The following C8orf34 variants were observed in gnomAD, a reference collection of about 807,000 sequenced individuals.
C8orf34 encodes chromosome 8 open reading frame 34.
A neutral mutation model predicts 68.3 loss-of-function variants in C8orf34; 65 were observed. That is an observed-to-expected ratio of 0.95 (90% confidence interval 0.78 to 1.17). The LOEUF is 1.17. Among genes scored for constraint, C8orf34 ranks in the 50% most tolerant of loss-of-function variants. The pLI is 0.00. For missense variants in C8orf34, 664 were observed against 655.4 expected, an observed-to-expected ratio of 1.01 and a Z score of -0.14; for synonymous variants, 244 against 241.2, an observed-to-expected ratio of 1.01 and a Z score of -0.11.
intron 12 of C8orf34, among the ~76,000 whole-genome samples, chr8:68,804,648 T>C (rs1270459744): frequency 6.6e-6 from 1 of 152,048 alleles, no homozygotes; most frequent in Non-Finnish European, 1.5e-5. Flanking sequence ...GGTGCATATC[T>C]GTATTCCTAG....
intron 8 of C8orf34, among the ~76,000 whole-genome samples, chr8:68,689,157 A>C (rs1268183304): frequency 6.6e-6 from 1 of 151,964 alleles, no homozygotes; most frequent in East Asian, 1.9e-4. Flanking sequence ...AAAACCAAAT[A>C]CTCAATGTTC....
intron 10 of C8orf34, among the ~76,000 whole-genome samples, chr8:68,748,700 C>T (rs1822593662): frequency 1.3e-5 from 2 of 151,732 alleles, no homozygotes; most frequent in African/African-American, 4.8e-5. Context: ...CCATCTCACA[C>T]CAGTTAGAAT....
rs187640812 is a variant in C8orf34, at chr8:68,668,244, A to G, written c.1241+27733A>G. 7.4e-4 allele frequency among the ~76,000 whole-genome samples: 113 copies of G among 152,310 alleles called. 2 individuals carry two copies. In the East Asian group the frequency reaches 0.014, roughly 20 times the overall value. On this transcript the variant is annotated intron_variant, in intron 8 of 13. Transcript: ENST00000518698. ...CCTTTGGTTCTAAGTACCAAGTTGT[A>G]TAACACAGGAGAAATACAAAATTTT... is the stretch of plus-strand genomic sequence containing the variant.
intron 2 of C8orf34, among the ~76,000 whole-genome samples, chr8:68,443,665 C>T (rs1811005499): frequency 6.6e-6 from 1 of 152,074 alleles, no homozygotes; most frequent in Non-Finnish European, 1.5e-5. Context: ...CTCGGCCTCC[C>T]AAAGTGCTGG....
intron 7 of C8orf34, among the ~76,000 whole-genome samples, chr8:68,597,675 T>A (rs1211973449): frequency 6.6e-6 from 1 of 152,064 alleles, no homozygotes; most frequent in African/African-American, 2.4e-5. Context: ...CCAAAGGGAC[T>A]ATCTTTACTA....
At chr8:68,607,502 A>G (rs1216760880) in intron 7 of C8orf34, among the ~76,000 whole-genome samples, 1 of 152,048 alleles carries the variant, frequency 6.6e-6, no homozygotes, top group Non-Finnish European at 1.5e-5. Context: ...GTTAGGGCCT[A>G]CTCTAATGGA....
At chr8:68,466,505 T>A (rs1812142084) in intron 3 of C8orf34, among the ~76,000 whole-genome samples, 1 of 126,784 alleles carries the variant, frequency 7.9e-6, no homozygotes, top group Non-Finnish European at 1.8e-5. Context: ...ATACCTTATA[T>A]ATTTGTAGAA....
At chr8:68,745,945 CCA>C (rs1481517085) in intron 10 of C8orf34, among the ~76,000 whole-genome samples, 1 of 152,072 alleles carries the variant, frequency 6.6e-6, no homozygotes, top group African/African-American at 2.4e-5. Flanking sequence ...TTTTTCAGCA[CCA>C]CACCACACCT....
At chr8:68,645,267 A>G (rs981988530) in intron 8 of C8orf34, among the ~76,000 whole-genome samples, 2 of 152,104 alleles carry the variant, frequency 1.3e-5, no homozygotes, top group Non-Finnish European at 2.9e-5. Flanking sequence ...GCGAGTGGGA[A>G]GGCTGGATAC....
At chr8:68,576,141 T>TAC (rs112048534) in intron 7 of C8orf34, among the ~76,000 whole-genome samples, 2,255 of 149,200 alleles carry the variant, frequency 0.015, 43 homozygotes, top group African/African-American at 0.038. Flanking sequence ...ATATTCTTTT[T>TAC]ACACACACAC....
intron 4 of C8orf34, among the ~76,000 whole-genome samples, chr8:68,482,743 TG>T: frequency 6.6e-6 from 1 of 152,292 alleles, no homozygotes; most frequent in South Asian, 2.1e-4. Flanking sequence ...TCAATTTCCA[TG>T]ATGTAAATAT....
At position 68,627,700 on chromosome 8, in the gene C8orf34, C is replaced by G. The variant is rs561325137; in HGVS notation, c.1106-12676C>G. 8.5e-5 allele frequency among the ~76,000 whole-genome samples: 13 copies of G among 152,254 alleles called. No individual in the cohort carries two copies. In the East Asian group the frequency reaches 2.5e-3, roughly 29 times the overall value. On this transcript the variant is annotated intron_variant, in intron 7 of 13. Transcript: ENST00000518698. ...TTTCTTCCAGATTGGAAGAAGGAAA[C>G]CACTCCCAGATGTCTTTATTTTTCT...
At chr8:68,779,606 C>A (rs1449464825) in intron 11 of C8orf34, among the ~76,000 whole-genome samples, 1 of 152,026 alleles carries the variant, frequency 6.6e-6, no homozygotes, top group Non-Finnish European at 1.5e-5. Flanking sequence ...AACACAATAT[C>A]CTGGAATCAC....
chr8:68,519,743 G>T (rs1459678904), intron 5 of C8orf34, among the ~76,000 whole-genome samples: 2 of 152,024 alleles, frequency 1.3e-5, no homozygotes, highest in African/African-American at 4.8e-5. Context: ...TGGGGGGGAA[G>T]AATTTTATGG....
intron 11 of C8orf34, among the ~76,000 whole-genome samples, chr8:68,780,612 C>T (rs374647289): frequency 1.3e-5 from 2 of 152,086 alleles, no homozygotes; most frequent in Non-Finnish European, 2.9e-5. Context: ...AAATGGGCTT[C>T]ATAAGTATAA....
chr8:68,645,839 T>G (rs1819153200), intron 8 of C8orf34, among the ~76,000 whole-genome samples: 1 of 152,166 alleles, frequency 6.6e-6, no homozygotes, highest in African/African-American at 2.4e-5. Context: ...CCACTGGTTG[T>G]AAACTACTCA....
intron 8 of C8orf34, among the ~76,000 whole-genome samples, chr8:68,704,265 AGAG>A (rs1376466144): frequency 4.6e-5 from 7 of 152,164 alleles, no homozygotes; most frequent in Non-Finnish European, 1.0e-4. Context: ...CCTTCAGAAA[AGAG>A]GAGAATCTAG....
intron 7 of C8orf34, among the ~76,000 whole-genome samples, chr8:68,566,061 C>T (rs1471010320): frequency 6.6e-6 from 1 of 152,068 alleles, no homozygotes; most frequent in African/African-American, 2.4e-5. Flanking sequence ...ATTTTTATTT[C>T]CTATGTTAAG....
At chr8:68,497,778 C>T (rs1813589807) in intron 5 of C8orf34, among the ~76,000 whole-genome samples, 1 of 151,572 alleles carries the variant, frequency 6.6e-6, no homozygotes, top group Non-Finnish European at 1.5e-5. Flanking sequence ...AGTATGCTAC[C>T]ATTCATCTAA....
Sources: allele counts gnomAD v4.1 joint callset (sites outside exome capture counted in the v4.1 genomes callset), GRCh38; gene constraint gnomAD v4.1.1; transcripts MANE v1.5; gene names NCBI Gene and HGNC (gene_info 2026-07-23, HGNC 2026-07-21).